Variants in TBX2 observed in about 807,000 individuals in gnomAD.
TBX2 encodes the protein T-box transcription factor 2.
In TBX2, 19 loss-of-function variants were observed where a neutral mutation model predicts 48.4. The ratio of observed to expected loss-of-function variants is 0.39; its 90% confidence interval spans 0.27 to 0.58. TBX2 has a LOEUF of 0.58. Ranked by LOEUF, TBX2 falls within the 20% of genes least tolerant of loss-of-function variation. The pLI is 0.54. For synonymous variants in TBX2, 522 were observed against 459.7 expected (o/e 1.14, Z -1.73); for missense variants, 994 against 1,006.5 (o/e 0.99, Z 0.17).
Position 61,401,933 on chromosome 17 carries a change from C to T in TBX2, c.645C>T (p.Ile215=). Reference sequence around the variant, plus strand: ...ACAAGCTGAAGCTGACCAACAACATCTCTGACAAGCACGGCTTCGTGAGTG... The same window carrying T: ...ACAAGCTGAAGCTGACCAACAACATTTCTGACAAGCACGGCTTCGTGAGTG... ...AFHKLKLTNN[I]SDKHGFTILN... The change falls in exon 2 of 7, where the codon ATC becomes ATT. Residue 215 remains isoleucine (I), a synonymous_variant. Coordinates refer to ENST00000240328, the MANE Select transcript of TBX2 (RefSeq NM_005994.4). 6.2e-7 allele frequency: 1 copy of T among 1,604,194 alleles called. No homozygotes were observed. The highest frequency in any genetic ancestry group is 8.5e-7 in the Non-Finnish European group (1 of 1,174,064).
Position 61,403,656 on chromosome 17 carries a change from GAC to G in TBX2, c.810+453_810+454del, listed in dbSNP as rs1019286645. On this transcript the variant is annotated intron_variant, in intron 3 of 6. Transcript: ENST00000240328. This position sits in a 1 kb window ranked among gnomAD's most constrained non-coding sequence, Gnocchi z 5.8. Reference sequence around the variant, plus strand: ...GGGGGAGCCAGAGGGTGGGACAGGTGACACAGCCCCCCAAAGCACTCCTGGCT... The same window carrying G: ...GGGGGAGCCAGAGGGTGGGACAGGTGACAGCCCCCCAAAGCACTCCTGGCT... Among the ~76,000 whole-genome samples the G allele has an allele frequency of 1.3e-5, 2 of 151,974 alleles. No individual in the cohort carries two copies. The highest frequency in any genetic ancestry group is 2.1e-4 in the South Asian group (1 of 4,802).
chr17:61,402,966 GAGAGA>G lies in TBX2; in HGVS notation c.664-93_664-89del, dbSNP rs869308233. 7.0e-3 allele frequency: 1,357 copies of G among 193,392 alleles called. 164 individuals carry two copies. The highest frequency in any genetic ancestry group is 0.02 in the African/African-American group (327 of 16,568). The allele number at this position is 193,392 out of a possible 1,614,324, so 12.0% of individuals were successfully genotyped here. A position where few individuals can be genotyped will look rare whatever the true frequency, so the allele number is the denominator to read the frequency against. On this transcript the variant is annotated intron_variant, in intron 2 of 6. Transcript: ENST00000240328. ...AGAGAGAGAGAGAGAGAGAGAGAGA[GAGAGA>G]AAGTGGAGAGGAAGAGGTCAGGTAC...
chr17:61,408,410 C>G lies in TBX2; in HGVS notation c.2043C>G (p.Ala681=). ...GTGCCCTGTCGCCCAGTGGCTCGGCCAAGGAGGCGGCCAATGAACTGCAGA... is the reference window on the plus strand; with the variant it reads ...GTGCCCTGTCGCCCAGTGGCTCGGCGAAGGAGGCGGCCAATGAACTGCAGA... ...SRGALSPSGS[A]KEAANELQSI... Residue 681 remains alanine (A), a synonymous_variant, in exon 7 of 7, where the codon GCC becomes GCG. Transcript: ENST00000240328. The G allele has an allele frequency of 6.5e-7, 1 of 1,545,726 alleles. No individual in the cohort carries two copies. Among genetic ancestry groups the G allele is most frequent in the Non-Finnish European group, 8.7e-7 (1 of 1,145,240 alleles).
In TBX2 at chr17:61,405,270, G is replaced by A. The variant is rs775291426; in HGVS notation, c.1120G>A (p.Ala374Thr). Residue 374 changes from alanine (A) to threonine (T), a missense_variant, in exon 6 of 7, where the codon GCG (alanine) becomes ACG (threonine). Around this residue, in one of 5 missense-constraint regions of TBX2, gnomAD observed 639 missense variants for 613.2 expected, o/e 1.04. Coordinates refer to ENST00000240328, the MANE Select transcript of TBX2 (RefSeq NM_005994.4). ...GCGGTTGAGCGAGGAGCGTGCGGGG[G>A]CGCCGCTAGGCCGCAGCCCGGCTCC... ...PERLSEERAG[A>T]PLGRSPAPDS... 4.5e-6 allele frequency: 7 copies of A among 1,567,712 alleles called. No homozygotes were observed. Among genetic ancestry groups the A allele is most frequent in the South Asian group, 3.5e-5 (3 of 86,326 alleles).
In TBX2 at chr17:61,405,328, C is replaced by T. The variant is rs1352333884; in HGVS notation, c.1178C>T (p.Pro393Leu). The change falls in exon 6 of 7, where the codon CCC becomes CTC. Residue 393 changes from proline (P) to leucine (L), a missense_variant. By Grantham distance (98) the Pro-to-Leu change is moderately conservative (BLOSUM62 -3). This residue lies in a region of TBX2 where 639 missense variants were observed against 613.2 expected (regional missense o/e 1.04). Transcript: ENST00000240328. The part of the protein sequence containing the change: ...DSASPTRLTE[P>L]ERARERRSPE... ...GCCAGCCCCACTCGCTTGACCGAAC[C>T]CGAGCGCGCCCGGGAGCGGCGTAGT... 1 of 1,546,538 alleles carries T rather than the reference C, an allele frequency of 6.5e-7. No homozygotes were observed. Among genetic ancestry groups the T allele is most frequent in the Non-Finnish European group, 8.7e-7 (1 of 1,152,912 alleles).
intron 5 of TBX2, 179 bp from the exon 6 acceptor site, chr17:61,405,023 C>T: frequency 7.3e-7 from 1 of 1,369,618 alleles, no homozygotes; most frequent in Non-Finnish European, 1.0e-6. Flanking sequence ...CTCTCCAGGG[C>T]TGGGTTCCTT....
Position 61,408,462 on chromosome 17 carries a change from G to A in TBX2, c.2095G>A (p.Glu699Lys). 6.8e-7 allele frequency: 1 copy of A among 1,463,396 alleles called. No individual in the cohort carries two copies. The allele number at this position is 1,463,396 out of a possible 1,614,324, so 90.7% of individuals were successfully genotyped here. A position where few individuals can be genotyped will look rare whatever the true frequency, so the allele number is the denominator to read the frequency against. Reference protein sequence around the residue: ...QSIQRLVSGLESQRALSPGRE... With the variant: ...QSIQRLVSGLKSQRALSPGRE... ...CATCCAGAGACTGGTGAGTGGGCTG[G>A]AGAGCCAGCGAGCCCTCTCCCCAGG... Residue 699 changes from glutamate to lysine, a missense_variant, in exon 7 of 7, where the codon GAG (glutamate) becomes AAG (lysine). This residue lies in a region of TBX2 where 639 missense variants were observed against 613.2 expected (regional missense o/e 1.04). Coordinates refer to ENST00000240328, the MANE Select transcript of TBX2 (RefSeq NM_005994.4).
In TBX2 at chr17:61,401,959, T is replaced by C; in HGVS notation, c.663+8T>C. 1 of 1,587,682 alleles carries C rather than the reference T, an allele frequency of 6.3e-7. No individual in the cohort carries two copies. Among genetic ancestry groups the C allele is most frequent in the East Asian group, 2.2e-5 (1 of 44,626 alleles). ...TCTGACAAGCACGGCTTCGTGAGTG[T>C]TGGGGCAGGGTGGGGACGGTGCAGG... On this transcript the variant is annotated splice_region_variant and intron_variant, in intron 2 of 6. Coordinates refer to ENST00000240328, the MANE Select transcript of TBX2 (RefSeq NM_005994.4).
At position 61,400,352 on chromosome 17, in the gene TBX2, G is replaced by A. The variant is rs867023713; in HGVS notation, c.176G>A (p.Gly59Glu). The A allele has an allele frequency of 8.1e-5, 82 of 1,012,440 alleles. No homozygotes were observed. The South Asian group carries it at 3.3e-3, about 41-fold the overall frequency. 62.7% of individuals were successfully genotyped at this position (1,012,440 alleles called of 1,614,324 possible). Reference sequence around the variant, plus strand: ...CCGCTGCCCGACCCGGGCCTGGCGGGGGCGGCGGCCGCGGCGGCGGCGGCG... The same window carrying A: ...CCGCTGCCCGACCCGGGCCTGGCGGAGGCGGCGGCCGCGGCGGCGGCGGCG... ...AKPLPDPGLA[G>E]AAAAAAAAAA... The change falls in exon 1 of 7, where the codon GGG becomes GAG. Residue 59 changes from glycine to glutamate, a missense_variant. Transcript: ENST00000240328. The surrounding 1 kb of genome is among the most constrained non-coding windows in gnomAD (Gnocchi z 9.2).
chr17:61,402,251 G>A (rs1369717575), intron 2 of TBX2, among the ~76,000 whole-genome samples: 1 of 152,232 alleles, frequency 6.6e-6, no homozygotes, highest in Non-Finnish European at 1.5e-5. Flanking sequence ...GCCAGGACTG[G>A]GTCTGCAGTG....
rs940898009 is a variant in TBX2 at position 61,409,087 on chromosome 17, A to G, written c.*581A>G. ...TTGAGTCCCCAGGGGAAAAAAAAAA[A>G]AGATATTTATGAAATAAATGGTAAT... On this transcript the variant is annotated 3_prime_UTR_variant, in exon 7 of 7. Coordinates refer to ENST00000240328, the MANE Select transcript of TBX2 (RefSeq NM_005994.4). 7 of 152,512 alleles carry G rather than the reference A, an allele frequency of 4.6e-5. No individual in the cohort carries two copies. The highest frequency in any genetic ancestry group is 1.7e-4 in the African/African-American group (7 of 41,422). The allele number at this position is 152,512 out of a possible 1,614,324, so 9.4% of individuals were successfully genotyped here.
At position 61,404,719 on chromosome 17, in the gene TBX2, C is replaced by A; in HGVS notation, c.1001C>A (p.Pro334His). The stretch of plus-strand genomic sequence containing the variant: ...GACCCTCCCCCCGCGCGGGAACCAC[C>A]CACCTCCCCGGGCGCAGCGCCCAGT... ...SCDPPPAREP[P>H]TSPGAAPSPL... is the part of the protein sequence containing the mutation. The change falls in exon 5 of 7, where the codon CCC becomes CAC. Residue 334 changes from proline to histidine, a missense_variant. Coordinates refer to ENST00000240328, the MANE Select transcript of TBX2 (RefSeq NM_005994.4). The A allele has an allele frequency of 6.4e-7, 1 of 1,559,522 alleles. No homozygotes were observed. Among genetic ancestry groups the A allele is most frequent in the East Asian group, 2.4e-5 (1 of 41,528 alleles).
chr17:61,404,980 G>T, intron 5 of TBX2: 3 of 1,260,102 alleles, frequency 2.4e-6, no homozygotes, highest in Non-Finnish European at 3.3e-6. Context: ...CTGGCCCCTT[G>T]GGCGCCGTGT....
In TBX2 at chr17:61,403,548, T is replaced by A. The variant is rs1386513015; in HGVS notation, c.810+341T>A. 1.3e-5 allele frequency among the ~76,000 whole-genome samples: 2 copies of A among 152,188 alleles called. No homozygotes were observed. Among genetic ancestry groups the A allele is most frequent in the Non-Finnish European group, 2.9e-5 (2 of 68,040 alleles). On this transcript the variant is annotated intron_variant, in intron 3 of 6. Coordinates refer to ENST00000240328, the MANE Select transcript of TBX2 (RefSeq NM_005994.4). The surrounding 1 kb of genome is among the most constrained non-coding windows in gnomAD (Gnocchi z 5.8). ...TTATTTCTTGGCTCAGGAATGAGAATGTAAGTGAAGAGAGGGCGCCCGAGG... is the reference window on the plus strand; with the variant it reads ...TTATTTCTTGGCTCAGGAATGAGAAAGTAAGTGAAGAGAGGGCGCCCGAGG...
Position 61,408,580 on chromosome 17 carries a change from C to G in TBX2, c.*74C>G, listed in dbSNP as rs1242753682. ...CCCCTGCTGCTTGGGACGTGTACAG[C>G]ACAGAATGAGTATTTATTTAAATAA... On this transcript the variant is annotated 3_prime_UTR_variant, in exon 7 of 7. Transcript: ENST00000240328. 2 of 1,292,660 alleles carry G rather than the reference C, an allele frequency of 1.5e-6. No individual in the cohort carries two copies. The highest frequency in any genetic ancestry group is 3.5e-5 in the Admixed American group (1 of 28,724). The allele number at this position is 1,292,660 out of a possible 1,614,324, so 80.1% of individuals were successfully genotyped here.
chr17:61,401,974 G>A (rs770719426), intron 2 of TBX2, 23 bp downstream of exon 2: 14 of 1,573,564 alleles, frequency 8.9e-6, no homozygotes, highest in South Asian at 8.4e-5. Context: ...GCAGGGTGGG[G>A]ACGGTGCAGG....
Position 61,405,211 on chromosome 17 carries a change from A to C in TBX2, c.1061A>C (p.Lys354Thr). The C allele has an allele frequency of 6.5e-7, 1 of 1,538,902 alleles. No individual in the cohort carries two copies. The highest frequency in any genetic ancestry group is 8.7e-7 in the Non-Finnish European group (1 of 1,151,858). The part of the protein sequence containing the change: ...LRLHRARAEE[K>T]SCAADSDPEP... ...CGCCCTCTCCCCGCAGCTGAGGAGA[A>C]GTCGTGCGCCGCGGACAGCGACCCG... Residue 354 changes from lysine to threonine, a missense_variant, in exon 6 of 7, where the codon AAG (lysine) becomes ACG (threonine). Transcript: ENST00000240328.
At position 61,401,765 on chromosome 17, in the gene TBX2, C is replaced by T. The variant is rs755887347; in HGVS notation, c.477C>T (p.Ala159=). The stretch of plus-strand genomic sequence containing the variant: ...ATATCCTGCTGATGGACATTGTAGC[C>T]GCTGACGATTGCCGCTATAAGTTCC... ...AKYILLMDIV[A]ADDCRYKFHN... The change falls in exon 2 of 7, where the codon GCC becomes GCT. Residue 159 remains alanine (A), a synonymous_variant. Transcript: ENST00000240328. 3 of 1,613,160 alleles carry T rather than the reference C, an allele frequency of 1.9e-6. No individual in the cohort carries two copies. Among genetic ancestry groups the T allele is most frequent in the Non-Finnish European group, 2.5e-6 (3 of 1,180,028 alleles).
chr17:61,405,672 A>G lies in TBX2; in HGVS notation c.1522A>G (p.Met508Val). ...CCCTGGCGCCTTCTCCGCCATGGGC[A>G]TGGGTCACCTACTGGCCTCGGTGGC... ...MGPGAFSAMG[M>V]GHLLASVAGG... Residue 508 changes from methionine (M) to valine (V), a missense_variant, in exon 6 of 7, where the codon ATG (methionine) becomes GTG (valine). Physicochemically the swap from Met to Val is conservative, Grantham distance 21. Transcript: ENST00000240328. 1 of 1,451,388 alleles carries G rather than the reference A, an allele frequency of 6.9e-7. No homozygotes were observed. The highest frequency in any genetic ancestry group is 9.0e-7 in the Non-Finnish European group (1 of 1,106,860). 89.9% of individuals were successfully genotyped at this position (1,451,388 alleles called of 1,614,324 possible).
Sources: gnomAD v4.1 joint callset for allele counts (sites outside exome capture counted in the v4.1 genomes callset) on GRCh38, gnomAD v4.1.1 for gene constraint, gnomAD v4.1.1 regional missense constraint, Gnocchi (gnomAD v3.1) non-coding constraint, MANE v1.5 for transcripts, NCBI Gene and HGNC (gene_info 2026-07-23, HGNC 2026-07-21) for gene names.